KLHL29: variants seen among roughly 807,000 people sequenced by gnomAD.
The protein encoded by KLHL29 is kelch like family member 29, also known as kelch-like protein 29.
KLHL29 carries 21 observed loss-of-function variants against 80.4 expected under a neutral mutation model. That is an observed-to-expected ratio of 0.26 (90% confidence interval 0.19 to 0.38). The LOEUF (loss-of-function observed/expected upper bound fraction) is 0.38. Among genes scored for constraint, KLHL29 ranks in the 10% least tolerant of loss-of-function variants. The probability of loss-of-function intolerance (pLI) is 1.00; values close to 1 mark genes in which losing one functional copy is unlikely to be tolerated. For missense variants in KLHL29, 867 were observed against 1,223.9 expected (o/e 0.71, Z 4.35); for synonymous variants, 511 against 526.8 (o/e 0.97, Z 0.41).
chr2:23,392,771 A>G (rs7588657), intron 1 of KLHL29, among the ~76,000 whole-genome samples: 40,513 of 151,916 alleles, frequency 0.27, 5,603 homozygotes, highest in South Asian at 0.31. Flanking sequence ...ACATGCGCCT[A>G]TGTCTTTGTT....
intron 1 of KLHL29, among the ~76,000 whole-genome samples, chr2:23,421,674 A>T (rs1200303276): frequency 7.3e-6 from 1 of 136,814 alleles, no homozygotes; most frequent in African/African-American, 2.8e-5. Flanking sequence ...TGTGTGTGTT[A>T]TATGTTGTGT....
At chr2:23,671,216 G>A (rs577285208) in intron 5 of KLHL29, among the ~76,000 whole-genome samples, 2 of 152,014 alleles carry the variant, frequency 1.3e-5, no homozygotes, top group East Asian at 3.9e-4. Flanking sequence ...TTTATTTGCT[G>A]GAACTGTGGC....
intron 1 of KLHL29, among the ~76,000 whole-genome samples, chr2:23,458,891 G>A (rs1179828878): frequency 2.0e-5 from 3 of 152,196 alleles, no homozygotes; most frequent in Non-Finnish European, 4.4e-5. Context: ...TGAGTCTAAT[G>A]GTGAAGGCTA....
At chr2:23,632,045 A>G (rs1017812306) in intron 3 of KLHL29, among the ~76,000 whole-genome samples, 3 of 152,134 alleles carry the variant, frequency 2.0e-5, no homozygotes, top group African/African-American at 4.8e-5. Flanking sequence ...CCCAACACCA[A>G]CTGAAGCAGA....
At chr2:23,697,284 GTTCT>G (rs1168956819) in intron 11 of KLHL29, 1 of 152,244 alleles carries the variant, frequency 6.6e-6, no homozygotes, top group Non-Finnish European at 1.5e-5. Flanking sequence ...CAGGGAGACT[GTTCT>G]TTCTTACAGA....
chr2:23,563,355 A>G (rs1667499939), intron 3 of KLHL29, among the ~76,000 whole-genome samples: 1 of 152,212 alleles, frequency 6.6e-6, no homozygotes, highest in Admixed American at 6.5e-5. Context: ...TAGGAAGGCC[A>G]TCGGTCCCCA....
At chr2:23,605,308 G>A (rs1229243099) in intron 3 of KLHL29, among the ~76,000 whole-genome samples, 1 of 151,902 alleles carries the variant, frequency 6.6e-6, no homozygotes, top group Non-Finnish European at 1.5e-5. Flanking sequence ...ATACTGCCCA[G>A]GCTGGTCTTC....
chr2:23,515,449 C>G (rs1665891581), intron 2 of KLHL29, among the ~76,000 whole-genome samples: 1 of 152,260 alleles, frequency 6.6e-6, no homozygotes, highest in South Asian at 2.1e-4. Context: ...AGAGACTTGG[C>G]TCAGGCACCA....
intron 3 of KLHL29, among the ~76,000 whole-genome samples, chr2:23,563,969 C>CCT (rs1667521073): frequency 6.6e-6 from 1 of 152,272 alleles, no homozygotes; most frequent in African/African-American, 2.4e-5. Flanking sequence ...GACTCAGTGA[C>CCT]CTCTGCCCAG....
rs552787871 is a variant in KLHL29, at chr2:23,387,315, T to C, written c.-154+1535T>C. ...GCTGGGATTCGGACTCCTCTTGCAA[T>C]GACAGATCTGTCCTGGTTACGGCTG... On this transcript the variant is annotated intron_variant, in intron 1 of 13. Transcript: ENST00000486442. 1.4e-4 allele frequency among the ~76,000 whole-genome samples: 21 copies of C among 152,300 alleles called. No homozygotes were observed. The South Asian group carries it at 4.4e-3, about 32-fold the overall frequency.
intron 2 of KLHL29, among the ~76,000 whole-genome samples, chr2:23,520,722 C>T (rs1196123228): frequency 6.6e-6 from 1 of 152,174 alleles, no homozygotes; most frequent in African/African-American, 2.4e-5. Flanking sequence ...AAAGTTTTCC[C>T]ATGCTTTAAG....
At chr2:23,691,632 C>G in intron 6 of KLHL29, 42 bp from the exon 7 acceptor site, 1 of 1,523,254 alleles carries the variant, frequency 6.6e-7, no homozygotes, top group Non-Finnish European at 8.9e-7. Flanking sequence ...GGCACGGTGG[C>G]CGCAGGGCAG....
intron 1 of KLHL29, among the ~76,000 whole-genome samples, chr2:23,441,535 A>G (rs557155135): frequency 1.3e-5 from 2 of 152,242 alleles, no homozygotes; most frequent in South Asian, 2.1e-4. Flanking sequence ...AAAACTTAGT[A>G]ACCTAAAAGA....
intron 2 of KLHL29, chr2:23,506,952 G>T (rs1307924496): frequency 9.6e-6 from 2 of 207,656 alleles, no homozygotes; most frequent in Non-Finnish European, 2.2e-5. Flanking sequence ...TTGGGAAAGG[G>T]AGAAGAATGC....
At chr2:23,640,717 G>T (rs1206521848) in intron 4 of KLHL29, among the ~76,000 whole-genome samples, 2 of 152,226 alleles carry the variant, frequency 1.3e-5, no homozygotes, top group Non-Finnish European at 2.9e-5. Context: ...CCTGTTCTGT[G>T]CATCATCACA....
chr2:23,602,733 C>A (rs1003762832), intron 3 of KLHL29, among the ~76,000 whole-genome samples: 1 of 151,586 alleles, frequency 6.6e-6, no homozygotes, highest in Non-Finnish European at 1.5e-5. Context: ...GGATTACAGG[C>A]GTGAGGCACC....
rs571914759 is a variant in KLHL29 at position 23,647,909 on chromosome 2, C to A, written c.940+5059C>A. 2.0e-5 allele frequency among the ~76,000 whole-genome samples: 3 copies of A among 152,142 alleles called. No homozygotes were observed. The highest frequency in any genetic ancestry group is 2.9e-5 in the Non-Finnish European group (2 of 68,020). The stretch of plus-strand genomic sequence containing the variant: ...GATGCTATTTCATCCCCACTCCCCC[C>A]TCAGTATCCAAGCCGGTACCAGCAC... On this transcript the variant is annotated intron_variant, in intron 5 of 13. Coordinates refer to ENST00000486442, the MANE Select transcript of KLHL29 (RefSeq NM_052920.2). This position sits in a 1 kb window ranked among gnomAD's most constrained non-coding sequence, Gnocchi z 4.9.
chr2:23,450,546 A>G (rs991849052), intron 1 of KLHL29, among the ~76,000 whole-genome samples: 7 of 151,992 alleles, frequency 4.6e-5, no homozygotes, highest in African/African-American at 1.4e-4. Context: ...TAGAGATTCA[A>G]TTGGCAGCTT....
intron 2 of KLHL29, among the ~76,000 whole-genome samples, chr2:23,477,963 C>T (rs1252918315): frequency 6.6e-6 from 1 of 152,166 alleles, no homozygotes; most frequent in African/African-American, 2.4e-5. Flanking sequence ...GGCTCTTGTT[C>T]TCTTGTTCGT....
Sources: allele counts gnomAD v4.1 joint callset (sites outside exome capture counted in the v4.1 genomes callset), GRCh38; gene constraint gnomAD v4.1.1; non-coding constraint Gnocchi (gnomAD v3.1); transcripts MANE v1.5; gene names NCBI Gene and HGNC (gene_info 2026-07-23, HGNC 2026-07-21).